The following C8orf34 variants were observed in gnomAD, a reference collection of about 807,000 sequenced individuals.
C8orf34 encodes the protein uncharacterized protein C8orf34.
A neutral mutation model predicts 68.3 loss-of-function variants in C8orf34; 65 were observed. That is an observed-to-expected ratio of 0.95 (90% CI 0.78 to 1.17). The LOEUF is 1.17. C8orf34 is among the 50% of genes most tolerant of loss of function. C8orf34 has a pLI of 0.00. For missense variants in C8orf34, 664 were observed against 655.4 expected (o/e 1.01, Z -0.14); for synonymous variants, 244 against 241.2 (o/e 1.01, Z -0.11).
chr8:68,570,059 A>G (rs1816717198), intron 7 of C8orf34, among the ~76,000 whole-genome samples: 1 of 152,132 alleles, frequency 6.6e-6, no homozygotes, highest in Non-Finnish European at 1.5e-5. Flanking sequence ...ATTCCCTAGT[A>G]GCCTCAAAAT....
intron 3 of C8orf34, among the ~76,000 whole-genome samples, chr8:68,465,807 G>C (rs1036617669): frequency 6.6e-6 from 1 of 151,764 alleles, no homozygotes; most frequent in African/African-American, 2.4e-5. Context: ...GTTGTGGGGT[G>C]GGGGCAGGGG....
chr8:68,441,037 C>T (rs1810885647), intron 2 of C8orf34, among the ~76,000 whole-genome samples: 1 of 152,126 alleles, frequency 6.6e-6, no homozygotes. Flanking sequence ...ATCTCCTGAC[C>T]TCGTGATCCG....
At chr8:68,397,511 ATTTC>A (rs1280438702) in intron 1 of C8orf34, among the ~76,000 whole-genome samples, 10 of 152,144 alleles carry the variant, frequency 6.6e-5, no homozygotes, top group African/African-American at 2.4e-4. Flanking sequence ...GTATATATAA[ATTTC>A]TTTATTTTGT....
intron 10 of C8orf34, among the ~76,000 whole-genome samples, chr8:68,735,683 A>G (rs1403395820): frequency 1.3e-5 from 2 of 152,210 alleles, no homozygotes; most frequent in Non-Finnish European, 2.9e-5. Flanking sequence ...TTGAGAAAGA[A>G]AAGAAAAAAA....
At chr8:68,628,233 G>T (rs1369226) in intron 7 of C8orf34, among the ~76,000 whole-genome samples, 21,123 of 151,978 alleles carry the variant, frequency 0.14, 1,522 homozygotes, top group Admixed American at 0.21. Context: ...CATGTATTTT[G>T]TTCTTATTAT....
chr8:68,637,613 T>G (rs1187566741), intron 7 of C8orf34, among the ~76,000 whole-genome samples: 7 of 152,190 alleles, frequency 4.6e-5, no homozygotes, highest in Non-Finnish European at 2.9e-5. Flanking sequence ...GTTACACATG[T>G]GAATCTCTAT....
intron 1 of C8orf34, among the ~76,000 whole-genome samples, chr8:68,421,482 C>G (rs977051471): frequency 2.0e-5 from 3 of 152,146 alleles, no homozygotes; most frequent in African/African-American, 7.2e-5. Flanking sequence ...AGTGGCAAGC[C>G]CCAACTCCTA....
chr8:68,443,949 T>G (rs1470649773), intron 2 of C8orf34, among the ~76,000 whole-genome samples: 1 of 152,196 alleles, frequency 6.6e-6, no homozygotes, highest in African/African-American at 2.4e-5. Flanking sequence ...CTTATGAATT[T>G]TTTTTTACTT....
intron 7 of C8orf34, among the ~76,000 whole-genome samples, chr8:68,567,401 A>G (rs1289578198): frequency 6.6e-6 from 1 of 151,882 alleles, no homozygotes; most frequent in Non-Finnish European, 1.5e-5. Flanking sequence ...TTTCTAGCTT[A>G]TGTGTGCAAA....
chr8:68,473,251 T>A (rs1812457640), intron 4 of C8orf34, among the ~76,000 whole-genome samples: 1 of 152,142 alleles, frequency 6.6e-6, no homozygotes, highest in African/African-American at 2.4e-5. Context: ...TCTGGCCCAC[T>A]GCCGAGTGCA....
At chr8:68,650,100 A>G (rs1819300977) in intron 8 of C8orf34, among the ~76,000 whole-genome samples, 1 of 152,204 alleles carries the variant, frequency 6.6e-6, no homozygotes, top group African/African-American at 2.4e-5. Flanking sequence ...TGAAACAGTC[A>G]TAAGGGTTGT....
At chr8:68,793,807 A>C (rs1344993895) in intron 12 of C8orf34, among the ~76,000 whole-genome samples, 1 of 152,196 alleles carries the variant, frequency 6.6e-6, no homozygotes, top group African/African-American at 2.4e-5. Flanking sequence ...CCTGAACTTG[A>C]AATAAAATAA....
chr8:68,598,938 A>T (rs920840997), intron 7 of C8orf34, among the ~76,000 whole-genome samples: 2 of 152,150 alleles, frequency 1.3e-5, no homozygotes, highest in Admixed American at 6.5e-5. Flanking sequence ...TGTATTGTCA[A>T]CATTGAGAAA....
chr8:68,518,217 A>C (rs1375261154), intron 5 of C8orf34, among the ~76,000 whole-genome samples: 1 of 152,194 alleles, frequency 6.6e-6, no homozygotes, highest in Non-Finnish European at 1.5e-5. Context: ...CACAATTTAT[A>C]CTGAAGTTTG....
chr8:68,609,489 A>G (rs1291933885), intron 7 of C8orf34, among the ~76,000 whole-genome samples: 1 of 152,162 alleles, frequency 6.6e-6, no homozygotes, highest in Non-Finnish European at 1.5e-5. Flanking sequence ...AAATCAAGAA[A>G]TTGGTGTGGT....
chr8:68,514,302 C>G (rs1814411310), intron 5 of C8orf34, among the ~76,000 whole-genome samples: 1 of 152,166 alleles, frequency 6.6e-6, no homozygotes, highest in Non-Finnish European at 1.5e-5. Context: ...CACCTCAGTG[C>G]TCAGGCTGGT....
intron 1 of C8orf34, among the ~76,000 whole-genome samples, chr8:68,393,880 G>A (rs1808575657): frequency 6.6e-6 from 1 of 152,128 alleles, no homozygotes; most frequent in Non-Finnish European, 1.5e-5. Flanking sequence ...GTTAACACCT[G>A]TTAGCAGGGC....
intron 1 of C8orf34, among the ~76,000 whole-genome samples, chr8:68,409,583 A>T (rs746561008): frequency 6.6e-6 from 1 of 152,220 alleles, no homozygotes; most frequent in Non-Finnish European, 1.5e-5. Context: ...AAGTTAAAAA[A>T]TCCTTAAAGG....
intron 11 of C8orf34, among the ~76,000 whole-genome samples, chr8:68,777,048 C>G (rs12056660): frequency 0.063 from 9,658 of 152,292 alleles, 575 homozygotes; most frequent in East Asian, 0.33. Flanking sequence ...GGGCAGAGCC[C>G]ATAAAACTTG....
Sources: allele counts gnomAD v4.1 joint callset (sites outside exome capture counted in the v4.1 genomes callset), GRCh38; gene constraint gnomAD v4.1.1; transcripts MANE v1.5; gene names NCBI Gene and HGNC (gene_info 2026-07-23, HGNC 2026-07-21).